Variants in BMPR1B observed in about 807,000 individuals in gnomAD.
BMPR1B encodes bone morphogenetic protein receptor type 1B.
Under a neutral mutation model 59.1 loss-of-function variants are expected in BMPR1B, and 12 were observed. The observed-to-expected ratio is 0.20, with a 90% CI of 0.13 to 0.33. BMPR1B has a LOEUF of 0.33. Among genes scored for constraint, BMPR1B ranks in the 10% least tolerant of loss-of-function variants. The pLI is 1.00. For synonymous variants in BMPR1B, 237 were observed against 207.3 expected (o/e 1.14, Z -1.23); for missense variants, 550 against 610.9 (o/e 0.90, Z 1.05).
chr4:95,106,571 T>C (rs1328397953), intron 4 of BMPR1B, among the ~76,000 whole-genome samples: 6 of 151,980 alleles, frequency 3.9e-5, no homozygotes, highest in African/African-American at 1.4e-4. Flanking sequence ...AGATGTAGAT[T>C]TAAATGCATA....
chr4:94,982,039 A>G (rs1472914118), intron 2 of BMPR1B, among the ~76,000 whole-genome samples: 1 of 152,208 alleles, frequency 6.6e-6, no homozygotes, highest in Admixed American at 6.5e-5. Context: ...ACTGTGTTAC[A>G]TTTTGAGTAT....
chr4:94,825,862 A>G (rs1352620913), intron 1 of BMPR1B, among the ~76,000 whole-genome samples: 2 of 152,220 alleles, frequency 1.3e-5, no homozygotes, highest in Non-Finnish European at 2.9e-5. Flanking sequence ...AGTACACATT[A>G]CATTTGTAGA....
chr4:94,777,689 A>G (rs1046912917), intron 1 of BMPR1B, among the ~76,000 whole-genome samples: 2 of 152,264 alleles, frequency 1.3e-5, no homozygotes, highest in African/African-American at 4.8e-5. Context: ...TTGGGCCAGA[A>G]AACAGGTTGT....
intron 1 of BMPR1B, among the ~76,000 whole-genome samples, chr4:94,758,841 C>T (rs1721640906): frequency 6.6e-6 from 1 of 152,124 alleles, no homozygotes; most frequent in Non-Finnish European, 1.5e-5. Context: ...CTCCCTCTCC[C>T]CACCGCCTGC....
At chr4:94,890,437 C>T (rs1727345168) in intron 2 of BMPR1B, among the ~76,000 whole-genome samples, 1 of 152,092 alleles carries the variant, frequency 6.6e-6, no homozygotes, top group Non-Finnish European at 1.5e-5. Flanking sequence ...ACTAACTCCA[C>T]TTCCAAACCT....
intron 2 of BMPR1B, among the ~76,000 whole-genome samples, chr4:94,901,737 TTTC>T (rs1229876532): frequency 6.6e-6 from 1 of 152,004 alleles, no homozygotes; most frequent in Non-Finnish European, 1.5e-5. Context: ...GAGGAATTCT[TTTC>T]TTTCTCTTGG....
At chr4:94,953,177 T>G (rs746312492) in intron 2 of BMPR1B, among the ~76,000 whole-genome samples, 1 of 152,206 alleles carries the variant, frequency 6.6e-6, no homozygotes, top group Non-Finnish European at 1.5e-5. Context: ...ATGGGTTTCC[T>G]GAATACAGCA....
intron 1 of BMPR1B, among the ~76,000 whole-genome samples, chr4:94,871,623 A>G (rs1726501723): frequency 6.6e-6 from 1 of 152,228 alleles, no homozygotes; most frequent in African/African-American, 2.4e-5. Flanking sequence ...TTTAATAATT[A>G]GTTATATTGT....
chr4:94,894,929 A>G (rs1263801026), intron 2 of BMPR1B, among the ~76,000 whole-genome samples: 1 of 151,934 alleles, frequency 6.6e-6, no homozygotes, highest in African/African-American at 2.4e-5. Context: ...TTTTAAATTC[A>G]TGATGAAACT....
At chr4:95,152,895 C>G in intron 12 of BMPR1B, 122 bp downstream of exon 12, 1 of 1,223,034 alleles carries the variant, frequency 8.2e-7, no homozygotes, top group Non-Finnish European at 1.2e-6. Context: ...GTGATGGCGC[C>G]TCATTGCAGT....
chr4:95,027,999 AAGGC>A (rs1724544044), intron 3 of BMPR1B, among the ~76,000 whole-genome samples: 2 of 152,270 alleles, frequency 1.3e-5, no homozygotes, highest in South Asian at 2.1e-4. Flanking sequence ...AGGCAATAGA[AAGGC>A]AGGGCCAAAA....
At chr4:95,108,233 G>A (rs1389879122) in intron 4 of BMPR1B, among the ~76,000 whole-genome samples, 1 of 152,054 alleles carries the variant, frequency 6.6e-6, no homozygotes, top group Non-Finnish European at 1.5e-5. Flanking sequence ...TCAGTAGCAA[G>A]CAGTTTGCTG....
At chr4:94,910,521 A>G (rs900355783) in intron 2 of BMPR1B, among the ~76,000 whole-genome samples, 2 of 152,118 alleles carry the variant, frequency 1.3e-5, no homozygotes, top group African/African-American at 4.8e-5. Flanking sequence ...TAAGCTAAGT[A>G]ACATAAGTTT....
chr4:94,881,428 G>A (rs1300146552), intron 2 of BMPR1B, among the ~76,000 whole-genome samples: 2 of 152,064 alleles, frequency 1.3e-5, no homozygotes, highest in East Asian at 1.9e-4. Flanking sequence ...TTGGCAACGA[G>A]AGGAGCTGGG....
At chr4:94,877,959 C>T (rs1209591746) in intron 2 of BMPR1B, among the ~76,000 whole-genome samples, 3 of 151,608 alleles carry the variant, frequency 2.0e-5, no homozygotes, top group Non-Finnish European at 2.9e-5. Flanking sequence ...CACATGTGTG[C>T]GTGTGTGTGT....
At chr4:94,944,487 T>C (rs1378602581) in intron 2 of BMPR1B, among the ~76,000 whole-genome samples, 1 of 152,196 alleles carries the variant, frequency 6.6e-6, no homozygotes, top group Admixed American at 6.5e-5. Context: ...GATTTGCATT[T>C]CCCTGGAGAA....
chr4:95,003,372 T>A (rs547094511), intron 3 of BMPR1B, among the ~76,000 whole-genome samples: 21 of 152,352 alleles, frequency 1.4e-4, no homozygotes, highest in African/African-American at 5.1e-4. Context: ...TTAGGTTACC[T>A]TTCAGGTTGT....
At chr4:94,804,188 CAT>C (rs1397443186) in intron 1 of BMPR1B, among the ~76,000 whole-genome samples, 1 of 152,138 alleles carries the variant, frequency 6.6e-6, no homozygotes, top group African/African-American at 2.4e-5. Context: ...AGCACATTAA[CAT>C]TTTATAATAT....
chr4:94,807,355 A>G lies in BMPR1B; in HGVS notation c.-183+49287A>G, dbSNP rs557869283. The stretch of plus-strand genomic sequence containing the variant: ...CAATCTGCCCACCTTGGCTTCCTAA[A>G]TTGCTGGGATTGCAGGTGTGAGCCA... On this transcript the variant is annotated intron_variant, in intron 1 of 12. Transcript: ENST00000515059. Among the ~76,000 whole-genome samples the G allele has an allele frequency of 2.6e-5, 4 of 152,236 alleles. No homozygotes were observed. In the East Asian group the frequency reaches 5.8e-4, roughly 22 times the overall value.
Sources: allele counts gnomAD v4.1 joint callset (sites outside exome capture counted in the v4.1 genomes callset), GRCh38; gene constraint gnomAD v4.1.1; transcripts MANE v1.5; gene names NCBI Gene and HGNC (gene_info 2026-07-23, HGNC 2026-07-21).